ZNF385D: variants seen among roughly 807,000 people sequenced by gnomAD.
ZNF385D encodes the protein zinc finger protein 385D.
Under a neutral mutation model 35.8 loss-of-function variants are expected in ZNF385D, and 15 were observed. The observed-to-expected ratio is 0.42, with a 90% CI of 0.28 to 0.64. ZNF385D has a LOEUF of 0.64. ZNF385D is among the 30% of genes least tolerant of loss of function. The pLI is 0.23. For synonymous variants in ZNF385D, 212 were observed against 186.8 expected, an observed-to-expected ratio of 1.13 and a Z score of -1.10; for missense variants, 474 against 494.6, an observed-to-expected ratio of 0.96 and a Z score of 0.39.
intron 2 of ZNF385D, among the ~76,000 whole-genome samples, chr3:22,248,188 C>G (rs1277519153): frequency 6.6e-6 from 1 of 152,128 alleles, no homozygotes; most frequent in Non-Finnish European, 1.5e-5. Context: ...TTCTGTCAAC[C>G]ATTCACTTTG....
chr3:22,141,916 T>C (rs145836994), intron 3 of ZNF385D, among the ~76,000 whole-genome samples: 211 of 152,374 alleles, frequency 1.4e-3, no homozygotes, highest in African/African-American at 4.8e-3. Context: ...GGCATTTTAT[T>C]GCCTCTTAAG....
intron 3 of ZNF385D, among the ~76,000 whole-genome samples, chr3:21,939,315 G>A (rs190343031): frequency 3.1e-4 from 47 of 152,220 alleles, no homozygotes; most frequent in Admixed American, 1.5e-3. Context: ...TGTTAAGTAC[G>A]TATTATTTTC....
intron 3 of ZNF385D, among the ~76,000 whole-genome samples, chr3:21,555,667 T>C (rs1184371991): frequency 2.0e-5 from 3 of 152,220 alleles, no homozygotes; most frequent in African/African-American, 7.2e-5. Context: ...AGTGCCGCAG[T>C]AAACATGCGT....
chr3:22,042,002 A>C (rs931864952), intron 3 of ZNF385D, among the ~76,000 whole-genome samples: 1 of 152,158 alleles, frequency 6.6e-6, no homozygotes, highest in Non-Finnish European at 1.5e-5. Flanking sequence ...TTGCCTTACA[A>C]AAGTTGGAAA....
intron 2 of ZNF385D, among the ~76,000 whole-genome samples, chr3:21,566,079 C>T (rs1363398552): frequency 3.9e-5 from 6 of 152,072 alleles, no homozygotes; most frequent in African/African-American, 9.7e-5. Context: ...TGTTAACATA[C>T]GGTTCTGAAT....
chr3:22,035,753 G>A (rs926445724), intron 3 of ZNF385D, among the ~76,000 whole-genome samples: 1 of 152,086 alleles, frequency 6.6e-6, no homozygotes, highest in African/African-American at 2.4e-5. Context: ...AAGGGGCTGT[G>A]GTTCATTCTA....
chr3:22,297,756 T>C (rs939821468), intron 2 of ZNF385D, among the ~76,000 whole-genome samples: 5 of 152,192 alleles, frequency 3.3e-5, no homozygotes, highest in African/African-American at 1.2e-4. Context: ...GAAGAGTATA[T>C]AATATATACA....
chr3:22,194,211 A>G (rs2125230618), intron 2 of ZNF385D, among the ~76,000 whole-genome samples: 1 of 151,950 alleles, frequency 6.6e-6, no homozygotes, highest in South Asian at 2.1e-4. Context: ...TTAATTTTTA[A>G]TTTTGCATAA....
At chr3:21,443,092 T>A (rs1304474243) in intron 4 of ZNF385D, 1 of 975,788 alleles carries the variant, frequency 1.0e-6, no homozygotes, top group Non-Finnish European at 1.2e-6. Context: ...CTGTAGAAAG[T>A]GCTTTAAACG....
At chr3:22,351,920 G>T (rs1373810906) in intron 2 of ZNF385D, among the ~76,000 whole-genome samples, 3 of 152,120 alleles carry the variant, frequency 2.0e-5, no homozygotes, top group African/African-American at 7.2e-5. Flanking sequence ...AGAGAGAAAA[G>T]AACTGCTTGT....
At position 21,437,150 on chromosome 3, in the gene ZNF385D, T is replaced by G; in HGVS notation, c.493A>C (p.Lys165Gln). ...ISTTTTVEIR[K>Q]SSVMTTEITS... is the part of the protein sequence containing the mutation. ...ATCTCAGTTGTCATAACACTGCTTT[T>G]GCGGATTTCCACAGTTGTCGTCGTT... The change falls in exon 5 of 8, where the codon AAA (lysine) becomes CAA (glutamine). Residue 165 changes from lysine (K) to glutamine (Q), a missense_variant. By Grantham distance (53) the Lys-to-Gln change is moderately conservative (BLOSUM62 1). Transcript: ENST00000281523. 1 of 1,613,974 alleles carries G rather than the reference T, an allele frequency of 6.2e-7. No individual in the cohort carries two copies. The highest frequency in any genetic ancestry group is 8.5e-7 in the Non-Finnish European group (1 of 1,179,894).
intron 3 of ZNF385D, chr3:21,978,237 T>C (rs78558654): frequency 6.6e-6 from 1 of 152,200 alleles, no homozygotes; most frequent in Non-Finnish European, 1.5e-5. Flanking sequence ...GAGAGCAGTG[T>C]CTGTTTCTTA....
chr3:22,015,293 A>T (rs950222840), intron 3 of ZNF385D, among the ~76,000 whole-genome samples: 1 of 152,172 alleles, frequency 6.6e-6, no homozygotes, highest in African/African-American at 2.4e-5. Flanking sequence ...AGCTAAATAG[A>T]TTGCAAACAT....
chr3:22,303,147 T>C (rs1702998871), intron 2 of ZNF385D, among the ~76,000 whole-genome samples: 1 of 152,164 alleles, frequency 6.6e-6, no homozygotes, highest in South Asian at 2.1e-4. Flanking sequence ...ATGATAATAA[T>C]ATCGTTGGCT....
chr3:22,113,033 A>G, intron 3 of ZNF385D, among the ~76,000 whole-genome samples: 1 of 152,110 alleles, frequency 6.6e-6, no homozygotes, highest in Admixed American at 6.6e-5. Context: ...TCTCGGTCGC[A>G]TTTGTGGAAA....
intron 4 of ZNF385D, among the ~76,000 whole-genome samples, chr3:21,460,101 T>G (rs711735): frequency 0.76 from 116,194 of 152,110 alleles, 44,762 homozygotes; most frequent in African/African-American, 0.85. Flanking sequence ...TTCTTTTGAT[T>G]CTGTTTACAT....
intron 3 of ZNF385D, among the ~76,000 whole-genome samples, chr3:21,911,495 T>C (rs1326247485): frequency 1.3e-5 from 2 of 151,844 alleles, no homozygotes; most frequent in African/African-American, 4.8e-5. Context: ...ATTCTAAAGG[T>C]TTTTTATTTG....
intron 3 of ZNF385D, among the ~76,000 whole-genome samples, chr3:21,889,063 A>G (rs1478662504): frequency 1.3e-5 from 2 of 152,234 alleles, no homozygotes; most frequent in East Asian, 1.9e-4. Flanking sequence ...GATGTACAGT[A>G]AGGACATTTG....
intron 2 of ZNF385D, among the ~76,000 whole-genome samples, chr3:22,317,280 C>CAAAAAAAAAAAAAAAAAAAAAAAA (rs59675675): frequency 2.7e-4 from 7 of 26,100 alleles, no homozygotes; most frequent in East Asian, 9.3e-4. Context: ...ACTCCATCTC[C>CAAAAAAAAAAAAAAAAAAAAAAAA]AAAAAAAAAA....
Sources: allele counts gnomAD v4.1 joint callset (sites outside exome capture counted in the v4.1 genomes callset), GRCh38; gene constraint gnomAD v4.1.1; transcripts MANE v1.5; gene names NCBI Gene and HGNC (gene_info 2026-07-23, HGNC 2026-07-21).